Variants in ATRN observed in about 807,000 individuals in gnomAD.
ATRN encodes attractin, also known as attractin-2.
Under a neutral mutation model 178.7 loss-of-function variants are expected in ATRN, and 54 were observed. The ratio of observed to expected loss-of-function variants is 0.30; its 90% CI spans 0.24 to 0.38. The LOEUF is 0.38. Ranked by LOEUF, ATRN falls within the 10% of genes least tolerant of loss-of-function variation. ATRN has a pLI of 1.00. For synonymous variants in ATRN, 636 were observed against 663.0 expected (o/e 0.96, Z 0.63); for missense variants, 1,443 against 1,815.1 (o/e 0.79, Z 3.73).
At chr20:3,559,511 A>G (rs2085923179) in intron 7 of ATRN, 28 bp downstream of exon 7, 2 of 1,564,552 alleles carry the variant, frequency 1.3e-6, no homozygotes, top group Non-Finnish European at 8.8e-7. Flanking sequence ...TGTGCTAAGC[A>G]AGAAACTAAG....
intron 1 of ATRN, among the ~76,000 whole-genome samples, chr20:3,498,256 A>G (rs1371283756): frequency 3.3e-5 from 5 of 152,236 alleles, no homozygotes; most frequent in Non-Finnish European, 5.9e-5. Flanking sequence ...CAGAGGTACA[A>G]GGAGGAACTG....
At chr20:3,559,084 C>G (rs982910799) in intron 6 of ATRN, among the ~76,000 whole-genome samples, 1 of 152,058 alleles carries the variant, frequency 6.6e-6, no homozygotes, top group African/African-American at 2.4e-5. Context: ...AATTTTGAGT[C>G]CCTTGAGTAC....
At chr20:3,578,822 C>G in intron 15 of ATRN, 50 bp downstream of exon 15, 1 of 1,536,506 alleles carries the variant, frequency 6.5e-7, no homozygotes, top group Non-Finnish European at 8.9e-7. Context: ...ACCTTTCTAC[C>G]AAGGGCATGA....
intron 2 of ATRN, among the ~76,000 whole-genome samples, chr20:3,535,545 C>T (rs1474913338): frequency 6.6e-6 from 1 of 151,512 alleles, no homozygotes; most frequent in Non-Finnish European, 1.5e-5. Flanking sequence ...ATTGTACACA[C>T]CACAAATTTG....
chr20:3,525,711 T>C (rs1322711680), intron 1 of ATRN, among the ~76,000 whole-genome samples: 3 of 151,912 alleles, frequency 2.0e-5, no homozygotes, highest in Admixed American at 2.0e-4. Flanking sequence ...CACAATCGAG[T>C]TGGCTTCATC....
intron 27 of ATRN, among the ~76,000 whole-genome samples, chr20:3,641,146 G>A (rs1236830151): frequency 6.6e-6 from 1 of 152,190 alleles, no homozygotes; most frequent in East Asian, 1.9e-4. Flanking sequence ...TGGGTACGAA[G>A]TTTGAGTTTT....
Position 3,545,755 on chromosome 20 carries a change from A to G in ATRN, c.609-7A>G. The G allele has an allele frequency of 6.2e-7, 1 of 1,613,566 alleles. No individual in the cohort carries two copies. On this transcript the variant is annotated splice_polypyrimidine_tract_variant and splice_region_variant and intron_variant, in intron 3 of 28. Coordinates refer to ENST00000262919, the MANE Select transcript of ATRN (RefSeq NM_139321.3). ...TTCCCTCTATAAGAAGTGTGTTTTC[A>G]TTTCAGTGGCCTCATTGTTCCTGAG...
intron 24 of ATRN, among the ~76,000 whole-genome samples, chr20:3,612,561 G>A (rs1313985799): frequency 1.3e-5 from 2 of 152,098 alleles, no homozygotes; most frequent in Non-Finnish European, 2.9e-5. Flanking sequence ...CAGGGGTTTC[G>A]GTAGTTTCTC....
intron 11 of ATRN, among the ~76,000 whole-genome samples, chr20:3,566,845 T>C (rs1320078915): frequency 2.2e-5 from 3 of 138,932 alleles, no homozygotes; most frequent in East Asian, 2.2e-4. Flanking sequence ...AGGCGGAAAT[T>C]GCAGTGAGCC....
chr20:3,562,443 G>A lies in ATRN; in HGVS notation c.1615G>A (p.Val539Met). ...RLADDLYRYDVDTQMWTILKD... is the reference protein window; with the variant it reads ...RLADDLYRYDMDTQMWTILKD... ...TGCAGATGATCTCTACCGATATGAT[G>A]TGGATACCCAGATGTGGTGGGTACT... The change falls in exon 9 of 29, where the codon GTG (valine) becomes ATG (methionine). Residue 539 changes from valine to methionine, a missense_variant. Val to Met is a conservative substitution (Grantham distance 21). Coordinates refer to ENST00000262919, the MANE Select transcript of ATRN (RefSeq NM_139321.3). The A allele has an allele frequency of 6.2e-7, 1 of 1,614,096 alleles. No individual in the cohort carries two copies. The highest frequency in any genetic ancestry group is 8.5e-7 in the Non-Finnish European group (1 of 1,180,002).
At chr20:3,561,049 G>A in intron 8 of ATRN, 144 bp downstream of exon 8, 1 of 1,106,042 alleles carries the variant, frequency 9.0e-7, no homozygotes, top group Non-Finnish European at 1.3e-6. Context: ...GCCCAGGCGT[G>A]GTGGCCCACT....
intron 6 of ATRN, among the ~76,000 whole-genome samples, chr20:3,553,682 T>A (rs1050602653): frequency 2.6e-5 from 4 of 152,186 alleles, no homozygotes; most frequent in African/African-American, 9.7e-5. Context: ...GCTTTCTTAC[T>A]CAAAACGTAC....
chr20:3,511,154 A>G (rs899204783), intron 1 of ATRN, among the ~76,000 whole-genome samples: 3 of 152,228 alleles, frequency 2.0e-5, no homozygotes, highest in Non-Finnish European at 4.4e-5. Flanking sequence ...ACATTAAAAA[A>G]GAAAGGTGAA....
intron 1 of ATRN, among the ~76,000 whole-genome samples, chr20:3,528,092 C>T (rs1019294418): frequency 1.3e-4 from 20 of 151,876 alleles, no homozygotes; most frequent in African/African-American, 2.7e-4. Context: ...ACCAGAAGGC[C>T]GGGCGTGGTG....
At chr20:3,507,575 C>G (rs2085063715) in intron 1 of ATRN, among the ~76,000 whole-genome samples, 1 of 151,892 alleles carries the variant, frequency 6.6e-6, no homozygotes, top group South Asian at 2.1e-4. Context: ...CTAGAATGTT[C>G]ACAAAGTGAT....
rs186548482 is a variant in ATRN at position 3,535,693 on chromosome 20, G to A, written c.494+357G>A. Among the ~76,000 whole-genome samples the A allele has an allele frequency of 9.2e-3, 1,397 of 151,944 alleles. 25 individuals are homozygous for A. The highest frequency in any genetic ancestry group is 0.032 in the African/African-American group (1,313 of 41,450). On this transcript the variant is annotated intron_variant, in intron 2 of 28. Transcript: ENST00000262919. ...GTCACCCAGGCTGGAGTGCAGTGGC[G>A]TGATCTCCGCTCACTGCAACCTCCG... is the stretch of plus-strand genomic sequence containing the variant.
intron 23 of ATRN, among the ~76,000 whole-genome samples, chr20:3,601,867 T>TAAAAAAAAA: frequency 8.5e-6 from 1 of 117,696 alleles, no homozygotes. Flanking sequence ...CCCATCTCTT[T>TAAAAAAAAA]AAAAAAAAAA....
At chr20:3,634,944 A>C (rs1490003642) in intron 26 of ATRN, among the ~76,000 whole-genome samples, 1 of 152,214 alleles carries the variant, frequency 6.6e-6, no homozygotes, top group Non-Finnish European at 1.5e-5. Flanking sequence ...TTAAATAAAT[A>C]AACTTGGTTG....
chr20:3,479,410 A>C (rs1485430935), intron 1 of ATRN, among the ~76,000 whole-genome samples: 1 of 152,180 alleles, frequency 6.6e-6, no homozygotes, highest in Non-Finnish European at 1.5e-5. Flanking sequence ...GTGGTGCTGG[A>C]CTAAGATGTG....
Sources: gnomAD v4.1 joint callset for allele counts (sites outside exome capture counted in the v4.1 genomes callset) on GRCh38, gnomAD v4.1.1 for gene constraint, MANE v1.5 for transcripts, NCBI Gene and HGNC (gene_info 2026-07-23, HGNC 2026-07-21) for gene names.